PUM1: variants seen among roughly 807,000 people sequenced by gnomAD.
PUM1 encodes pumilio homolog 1.
In PUM1, 13 loss-of-function variants were observed where a neutral mutation model predicts 131.8. The ratio of observed to expected loss-of-function variants is 0.10; its 90% CI spans 0.06 to 0.16. The LOEUF (loss-of-function observed/expected upper bound fraction) is 0.16, where lower values mean the gene tolerates loss of function less well. PUM1 is among the 10% of genes least tolerant of loss of function. The pLI is 1.00. For missense variants in PUM1, 961 were observed against 1,512.4 expected (o/e 0.64, Z 6.05); for synonymous variants, 509 against 556.5 (o/e 0.91, Z 1.20).
At chr1:30,942,344 A>G (rs1639490312) in intron 18 of PUM1, among the ~76,000 whole-genome samples, 1 of 150,876 alleles carries the variant, frequency 6.6e-6, no homozygotes, top group South Asian at 2.1e-4. Flanking sequence ...TATTTTAGGA[A>G]TTCATAGATG....
chr1:31,016,646 TC>T (rs1001345691), intron 3 of PUM1, among the ~76,000 whole-genome samples: 16 of 152,264 alleles, frequency 1.1e-4, no homozygotes, highest in Admixed American at 1.0e-3. Flanking sequence ...AGAATCAACA[TC>T]TCCAATAATT....
chr1:30,980,300 G>A, intron 8 of PUM1, 137 bp from the exon 9 acceptor site: 3 of 694,732 alleles, frequency 4.3e-6, no homozygotes, highest in Non-Finnish European at 5.0e-6. Context: ...ACAGGTTGAG[G>A]GTAAAGAGAA....
chr1:31,008,047 T>A (rs2124511972), intron 3 of PUM1, among the ~76,000 whole-genome samples: 1 of 152,346 alleles, frequency 6.6e-6, no homozygotes, highest in African/African-American at 2.4e-5. Flanking sequence ...TGAGATAGTA[T>A]TTAACCACCA....
At chr1:30,957,087 TAC>T (rs58044891) in intron 14 of PUM1, among the ~76,000 whole-genome samples, 2,249 of 139,860 alleles carry the variant, frequency 0.016, 30 homozygotes, top group Middle Eastern at 0.04. Context: ...AGGACATTCA[TAC>T]ACACACACAC....
intron 2 of PUM1, chr1:31,055,419 G>A (rs1488760970): frequency 2.2e-6 from 1 of 456,096 alleles, no homozygotes; most frequent in Non-Finnish European, 4.4e-6. Flanking sequence ...CTCTGATCTA[G>A]AATAGTTCAG....
intron 7 of PUM1, 125 bp from the exon 8 acceptor site, chr1:30,981,530 T>TCA (rs1641355886): frequency 1.8e-6 from 1 of 547,362 alleles, no homozygotes; most frequent in South Asian, 2.7e-5. Flanking sequence ...ATAAATGTTC[T>TCA]CACACTCTAC....
chr1:31,035,162 G>A (rs929965922), intron 2 of PUM1, among the ~76,000 whole-genome samples: 2 of 152,118 alleles, frequency 1.3e-5, no homozygotes, highest in South Asian at 4.1e-4. Flanking sequence ...CTACACAGGA[G>A]GCTGAGGTAA....
rs879110478 is a variant in PUM1 at position 31,062,350 on chromosome 1, C to T, written c.-11-2773G>A. 2.0e-5 allele frequency among the ~76,000 whole-genome samples: 3 copies of T among 152,048 alleles called. No homozygotes were observed. The South Asian group carries it at 6.2e-4, about 32-fold the overall frequency. ...AAAAATGCTACAAAGTGTCCGGACA[C>T]GGTGGCTTACGCCTGTAATCCCAGC... On this transcript the variant is annotated intron_variant, in intron 1 of 21. Transcript: ENST00000426105.
chr1:30,979,898 T>A (rs1204119985), intron 9 of PUM1, among the ~76,000 whole-genome samples, 164 bp downstream of exon 9: 3 of 152,214 alleles, frequency 2.0e-5, no homozygotes, highest in Non-Finnish European at 2.9e-5. Context: ...GAGGGGCCTA[T>A]GATACAGCTA....
At chr1:31,022,191 T>C (rs1361272293) in intron 3 of PUM1, among the ~76,000 whole-genome samples, 2 of 151,922 alleles carry the variant, frequency 1.3e-5, no homozygotes, top group East Asian at 1.9e-4. Context: ...ATGGGAATAA[T>C]ACCTCTCAAA....
At chr1:30,971,662 G>A (rs1164374681) in intron 10 of PUM1, among the ~76,000 whole-genome samples, 1 of 152,054 alleles carries the variant, frequency 6.6e-6, no homozygotes, top group Non-Finnish European at 1.5e-5. Flanking sequence ...GTGTGACCCT[G>A]GGCACACAAA....
At chr1:31,038,984 A>ATATATATATATATATATATTTTTTTTTTT in intron 2 of PUM1, among the ~76,000 whole-genome samples, 1 of 49,412 alleles carries the variant, frequency 2.0e-5, no homozygotes. Context: ...ATATATATAT[A>ATATATATATATATATATATTTTTTTTTTT]TTTTTTTTTT....
intron 18 of PUM1, among the ~76,000 whole-genome samples, chr1:30,943,922 C>T (rs933444572): frequency 6.6e-6 from 1 of 152,148 alleles, no homozygotes; most frequent in African/African-American, 2.4e-5. Context: ...GAAATGTCAA[C>T]TTGTGTTCTG....
Position 30,950,163 on chromosome 1 carries a change from T to C in PUM1, c.2820A>G (p.Lys940=), listed in dbSNP as rs779645447. The C allele has an allele frequency of 8.1e-6, 13 of 1,613,776 alleles. No homozygotes were observed. The highest frequency in any genetic ancestry group is 1.1e-5 in the Non-Finnish European group (13 of 1,179,896). ...LQMYGCRVIQ[K]ALEFIPSDQQ... ...GGTCTGAAGGAATAAACTCAAGAGC[T>C]TTCTGGATAACACGGCAGCCATACA... is the stretch of plus-strand genomic sequence containing the variant. The change falls in exon 17 of 22, where the codon AAA becomes AAG. Residue 940 remains lysine, a synonymous_variant. Transcript: ENST00000426105.
intron 2 of PUM1, among the ~76,000 whole-genome samples, chr1:31,045,752 A>G (rs1424412242): frequency 6.6e-6 from 1 of 152,166 alleles, no homozygotes; most frequent in Non-Finnish European, 1.5e-5. Flanking sequence ...CACATCTACT[A>G]AATCTAGTAA....
intron 18 of PUM1, among the ~76,000 whole-genome samples, chr1:30,942,993 C>CGTTCCTGTACTCCTAGCCTT (rs1639521589): frequency 6.6e-6 from 1 of 152,176 alleles, no homozygotes; most frequent in African/African-American, 2.4e-5. Flanking sequence ...TAGCCTTAAG[C>CGTTCCTGTACTCCTAGCCTT]AATCCTCCCA....
At chr1:30,972,823 C>T (rs6684464) in intron 10 of PUM1, among the ~76,000 whole-genome samples, 58,195 of 150,932 alleles carry the variant, frequency 0.39, 13,522 homozygotes, top group East Asian at 0.84. Flanking sequence ...CTCAGGCCTA[C>T]AATCACAGCA....
At chr1:31,063,093 G>A (rs1644404399) in intron 1 of PUM1, among the ~76,000 whole-genome samples, 1 of 151,998 alleles carries the variant, frequency 6.6e-6, no homozygotes, top group Non-Finnish European at 1.5e-5. Context: ...TCCCTGCTTG[G>A]TTTTTTAAAG....
At chr1:31,000,195 CT>C in intron 5 of PUM1, among the ~76,000 whole-genome samples, 1 of 152,258 alleles carries the variant, frequency 6.6e-6, no homozygotes, top group East Asian at 1.9e-4. Context: ...TTGTGATTTG[CT>C]TTTTTGTTAT....
Sources: gnomAD v4.1 joint callset for allele counts (sites outside exome capture counted in the v4.1 genomes callset) on GRCh38, gnomAD v4.1.1 for gene constraint, MANE v1.5 for transcripts, NCBI Gene and HGNC (gene_info 2026-07-23, HGNC 2026-07-21) for gene names.